MTCL1: variants seen among roughly 807,000 people sequenced by gnomAD.
MTCL1 encodes microtubule cross-linking factor 1.
In MTCL1, 79 loss-of-function variants were observed where a neutral mutation model predicts 141.4. The observed-to-expected ratio is 0.56, with a 90% CI of 0.47 to 0.67. MTCL1 has a LOEUF of 0.67. Ranked by LOEUF, MTCL1 falls within the 30% of genes least tolerant of loss-of-function variation. MTCL1 has a pLI of 0.00. For missense variants in MTCL1, 2,177 were observed against 2,113.9 expected (o/e 1.03, Z -0.59); for synonymous variants, 914 against 875.8 (o/e 1.04, Z -0.77).
intron 4 of MTCL1, among the ~76,000 whole-genome samples, chr18:8,728,809 G>A (rs1216667762): frequency 1.7e-4 from 21 of 127,012 alleles, no homozygotes; most frequent in African/African-American, 4.5e-4. Context: ...ATCTCGGCTC[G>A]CTGCAACCTC....
chr18:8,769,624 G>T (rs1327193656), intron 4 of MTCL1, among the ~76,000 whole-genome samples: 1 of 152,134 alleles, frequency 6.6e-6, no homozygotes, highest in Admixed American at 6.5e-5. Context: ...TTTGCTAGGG[G>T]GTGTGCTGGG....
intron 12 of MTCL1, 141 bp downstream of exon 11, chr18:8,813,374 C>G (rs2076550276): frequency 5.6e-6 from 6 of 1,066,184 alleles, no homozygotes; most frequent in Admixed American, 2.9e-5. Context: ...GAGAGAAATT[C>G]TAGAATTGCT....
rs188077710 is a variant in MTCL1, at chr18:8,830,053, A to G, written c.*18+1089A>G. On this transcript the variant is annotated intron_variant, in intron 16 of 16. Coordinates refer to ENST00000359865, the Ensembl canonical transcript of MTCL1. The surrounding 1 kb of genome is among the most constrained non-coding windows in gnomAD (Gnocchi z 6.4). ...CCAACACACAACACACACAGAACAG[A>G]TACACAATACACAACACACACACTA... 7.6e-5 allele frequency: 75 copies of G among 985,392 alleles called. 1 individual carries two copies. The East Asian group carries it at 3.6e-3, about 48-fold the overall frequency. The allele number at this position is 985,392 out of a possible 1,614,324, so 61.0% of individuals were successfully genotyped here.
chr18:8,825,388 A>T (rs1333234673), exon 15 of MTCL1: 1 of 1,540,786 alleles, frequency 6.5e-7, no homozygotes, highest in Non-Finnish European at 8.7e-7. Context: ...TCTGTCAGGA[A>T]TGCCATCTGC....
chr18:8,775,729 T>G (rs954947286), intron 4 of MTCL1, among the ~76,000 whole-genome samples: 25 of 152,278 alleles, frequency 1.6e-4, no homozygotes, highest in African/African-American at 5.5e-4. Flanking sequence ...TGTGACCCAC[T>G]TTACCAAAAA....
rs552016988 is a variant in MTCL1, at chr18:8,810,300, C to T, written c.2605-2679C>T. The T allele has an allele frequency of 2.6e-5, 4 of 152,646 alleles. No individual in the cohort carries two copies. The highest frequency in any genetic ancestry group is 6.5e-5 in the Admixed American group (1 of 15,308). The allele number at this position is 152,646 out of a possible 1,614,324, so 9.5% of individuals were successfully genotyped here. A position where few individuals can be genotyped will look rare whatever the true frequency, so the allele number is the denominator to read the frequency against. On this transcript the variant is annotated intron_variant, in intron 11 of 16. Coordinates refer to ENST00000359865, the Ensembl canonical transcript of MTCL1. This position sits in a 1 kb window ranked among gnomAD's most constrained non-coding sequence, Gnocchi z 5.0. ...ACAGACAGTGCAGTAACAGGAGCCG[C>T]GGAGTCATGGGGACGCCTGTCCAGT...
rs1220187127 is a variant in MTCL1, at chr18:8,725,776, C to CTTTTTT, written c.357+5288_357+5293dup. Among the ~76,000 whole-genome samples, 543 of 110,806 alleles carry CTTTTTT rather than the reference C, an allele frequency of 4.9e-3. 33 individuals are homozygous for CTTTTTT. Among genetic ancestry groups the CTTTTTT allele is most frequent in the Middle Eastern group, 0.011 (2 of 190 alleles). 72.7% of individuals were successfully genotyped at this position (110,806 alleles called of 152,430 possible). A position where few individuals can be genotyped will look rare whatever the true frequency, so the allele number is the denominator to read the frequency against. ...GCGTTATGTATTTTGGTGCCATTTTCTTTTTTTTTTTTTCTTTTTTTTTTT... is the reference window on the plus strand; with the variant it reads ...GCGTTATGTATTTTGGTGCCATTTTCTTTTTTTTTTTTTTTTTTTCTTTTTTTTTTT... On this transcript the variant is annotated intron_variant, in intron 4 of 16. Transcript: ENST00000359865.
chr18:8,775,879 T>A (rs1268092740), intron 4 of MTCL1, among the ~76,000 whole-genome samples: 18 of 152,212 alleles, frequency 1.2e-4, no homozygotes, highest in Admixed American at 1.2e-3. Flanking sequence ...TTATCTATTT[T>A]ATATTTTCCG....
Position 8,819,260 on chromosome 18 carries a change from G to A in MTCL1, c.3156+1G>A. ...GGAGTTCAGGAACCGCCTCCCTGAG[G>A]TCAGCCAGGTTTTGTCCATCCTAGT... On this transcript the variant is annotated splice_donor_variant, in intron 13 of 16. Coordinates refer to ENST00000359865, the Ensembl canonical transcript of MTCL1. LOFTEE classifies it high-confidence loss of function. The A allele has an allele frequency of 6.2e-7, 1 of 1,613,798 alleles. No individual in the cohort carries two copies. Among genetic ancestry groups the A allele is most frequent in the Non-Finnish European group, 8.5e-7 (1 of 1,179,842 alleles).
chr18:8,776,910 T>C (rs1311939066), intron 4 of MTCL1, among the ~76,000 whole-genome samples: 2 of 152,114 alleles, frequency 1.3e-5, no homozygotes, highest in African/African-American at 4.8e-5. Flanking sequence ...TACAGGCACA[T>C]GACTCCACAC....
chr18:8,765,279 A>T (rs1175425113), intron 4 of MTCL1, among the ~76,000 whole-genome samples: 2 of 152,236 alleles, frequency 1.3e-5, no homozygotes, highest in East Asian at 3.9e-4. Context: ...TAGAAGGAAG[A>T]TGAAAAGCTG....
intron 1 of MTCL1, among the ~76,000 whole-genome samples, chr18:8,711,882 G>A (rs969321976): frequency 5.3e-5 from 8 of 152,142 alleles, no homozygotes; most frequent in East Asian, 1.9e-4. Context: ...TTGGTAAAGC[G>A]CTGGTGTGTT....
At chr18:8,784,588 G>A (rs781307522) in exon 6 of MTCL1, 1 of 1,611,508 alleles carries the variant, frequency 6.2e-7, no homozygotes, top group South Asian at 1.1e-5. Flanking sequence ...CCTTACCGGG[G>A]CCTGGCCTCC....
chr18:8,798,644 G>A (rs774742407), intron 10 of MTCL1, among the ~76,000 whole-genome samples: 3 of 152,090 alleles, frequency 2.0e-5, no homozygotes, highest in African/African-American at 7.2e-5. Flanking sequence ...AAGGAGCAAA[G>A]GACACGTTTT....
At chr18:8,780,125 C>G (rs75722448) in intron 5 of MTCL1, among the ~76,000 whole-genome samples, 4,638 of 152,298 alleles carry the variant, frequency 0.03, 151 homozygotes, top group African/African-American at 0.075. Context: ...CAATTTTTCA[C>G]TTCAACTTGT....
exon 1 of MTCL1, chr18:8,706,185 C>T: frequency 2.5e-6 from 3 of 1,224,024 alleles, no homozygotes; most frequent in Non-Finnish European, 2.0e-6. Flanking sequence ...GCACCGTCGG[C>T]CCCCCGACCC....
intron 7 of MTCL1, 93 bp from the exon 7 acceptor site, chr18:8,792,905 G>C (rs1191891994): frequency 1.3e-6 from 2 of 1,530,474 alleles, no homozygotes; most frequent in Non-Finnish European, 1.8e-6. Flanking sequence ...CGCTCCGTGT[G>C]CGTCCCCAGC....
intron 4 of MTCL1, among the ~76,000 whole-genome samples, chr18:8,738,408 G>T (rs948262271): frequency 6.6e-6 from 1 of 152,132 alleles, no homozygotes; most frequent in Admixed American, 6.5e-5. Context: ...AATCATTTTT[G>T]TAGGTACTTT....
chr18:8,781,386 T>C (rs2096532207), intron 5 of MTCL1, among the ~76,000 whole-genome samples: 2 of 152,056 alleles, frequency 1.3e-5, no homozygotes, highest in Non-Finnish European at 2.9e-5. Context: ...ACAGCCTTAC[T>C]TCAAGTTAGT....
Sources: allele counts gnomAD v4.1 joint callset (sites outside exome capture counted in the v4.1 genomes callset), GRCh38; gene constraint gnomAD v4.1.1; non-coding constraint Gnocchi (gnomAD v3.1); transcripts MANE v1.5; gene names NCBI Gene and HGNC (gene_info 2026-07-23, HGNC 2026-07-21).